Variants in COP1 observed in about 807,000 individuals in gnomAD.
The protein encoded by COP1 is E3 ubiquitin-protein ligase COP1.
Under a neutral mutation model 101.3 loss-of-function variants are expected in COP1, and 24 were observed. That is an observed-to-expected ratio of 0.24 (90% CI 0.17 to 0.33). The LOEUF is 0.33. COP1 is among the 10% of genes least tolerant of loss of function. The probability of loss-of-function intolerance (pLI) is 1.00; values close to 1 mark genes in which losing one functional copy is unlikely to be tolerated. For synonymous variants in COP1, 347 were observed against 341.9 expected (o/e 1.01, Z -0.17); for missense variants, 663 against 906.2 (o/e 0.73, Z 3.45).
At chr1:175,951,738 C>G (rs1649948644) in intron 18 of COP1, among the ~76,000 whole-genome samples, 1 of 151,744 alleles carries the variant, frequency 6.6e-6, no homozygotes. Context: ...TTGGTAACAC[C>G]TCCAAAATTA....
At chr1:176,001,882 A>G (rs1019160058) in intron 15 of COP1, among the ~76,000 whole-genome samples, 1 of 152,030 alleles carries the variant, frequency 6.6e-6, no homozygotes, top group African/African-American at 2.4e-5. Flanking sequence ...TTTATTGACA[A>G]TCTTTTCCTT....
intron 9 of COP1, among the ~76,000 whole-genome samples, chr1:176,105,422 G>A (rs954485168): frequency 6.6e-6 from 1 of 152,008 alleles, no homozygotes; most frequent in South Asian, 2.1e-4. Context: ...TATATTCTCA[G>A]GCTAAAGACA....
intron 11 of COP1, among the ~76,000 whole-genome samples, chr1:176,062,842 G>A (rs1675125441): frequency 6.6e-6 from 1 of 152,050 alleles, no homozygotes; most frequent in South Asian, 2.1e-4. Flanking sequence ...AATATGGGCA[G>A]CAACATCAAT....
chr1:176,206,492 A>T, intron 1 of COP1, 80 bp downstream of exon 1: 2 of 1,323,260 alleles, frequency 1.5e-6, no homozygotes. Flanking sequence ...AGCCACCCCC[A>T]CACCAGACCC....
intron 18 of COP1, among the ~76,000 whole-genome samples, chr1:175,958,599 T>C (rs938829072): frequency 2.0e-5 from 3 of 152,050 alleles, no homozygotes; most frequent in African/African-American, 7.2e-5. Context: ...AATCAGAATA[T>C]AACCCTTCTT....
intron 8 of COP1, among the ~76,000 whole-genome samples, chr1:176,124,186 G>A (rs1274878687): frequency 2.0e-5 from 3 of 152,106 alleles, no homozygotes; most frequent in Non-Finnish European, 4.4e-5. Context: ...TTTTGGTACA[G>A]GCATGCAATA....
At chr1:176,110,084 T>C (rs1572289372) in intron 9 of COP1, among the ~76,000 whole-genome samples, 1 of 152,188 alleles carries the variant, frequency 6.6e-6, no homozygotes, top group Non-Finnish European at 1.5e-5. Flanking sequence ...AGACTGCCTG[T>C]CTGTCTCTAT....
At chr1:176,162,049 A>G (rs1694413214) in intron 5 of COP1, among the ~76,000 whole-genome samples, 1 of 152,240 alleles carries the variant, frequency 6.6e-6, no homozygotes, top group Non-Finnish European at 1.5e-5. Flanking sequence ...AGTCTACAAG[A>G]AAAGAAAATC....
At chr1:176,095,680 GAA>G (rs60886371) in intron 9 of COP1, among the ~76,000 whole-genome samples, 7 of 87,546 alleles carry the variant, frequency 8.0e-5, no homozygotes, top group Non-Finnish European at 9.5e-5. Context: ...CCCTGTCTCA[GAA>G]AAAAAAAAAA....
intron 15 of COP1, among the ~76,000 whole-genome samples, chr1:176,001,981 G>A (rs1050443196): frequency 1.3e-5 from 2 of 152,044 alleles, no homozygotes; most frequent in African/African-American, 4.8e-5. Context: ...TCTTAATGAG[G>A]ATCCCTGGTA....
chr1:175,999,689 A>C (rs951286836), intron 15 of COP1, among the ~76,000 whole-genome samples: 1 of 152,132 alleles, frequency 6.6e-6, no homozygotes, highest in African/African-American at 2.4e-5. Context: ...TCTCCAAACC[A>C]ATCTTCATAG....
chr1:176,134,230 T>G (rs1257227959), intron 8 of COP1, among the ~76,000 whole-genome samples: 1 of 152,044 alleles, frequency 6.6e-6, no homozygotes, highest in Admixed American at 6.6e-5. Flanking sequence ...ATTTGTCTGA[T>G]AAGATTCCAT....
chr1:176,046,248 T>C lies in COP1; in HGVS notation c.1354A>G (p.Thr452Ala). ...ATATCCACTGCATCCTGGATGACAG[T>C]GTCATATTCATAGACTTTAATCTTC... ...TKKIKVYEYD[T>A]VIQDAVDIHY... The change falls in exon 12 of 20, where the codon ACT (threonine) becomes GCT (alanine). Residue 452 changes from threonine (T) to alanine (A), a missense_variant. Thr to Ala is a moderately conservative substitution (Grantham distance 58). Around this residue, in one of 4 missense-constraint regions of COP1, gnomAD observed 209 missense variants for 383.3 expected, o/e 0.55. Transcript: ENST00000367669. The C allele has an allele frequency of 6.2e-7, 1 of 1,609,074 alleles. No individual in the cohort carries two copies. Among genetic ancestry groups the C allele is most frequent in the Non-Finnish European group, 8.5e-7 (1 of 1,177,820 alleles).
chr1:175,996,613 CAG>C (rs1057331589), intron 15 of COP1, among the ~76,000 whole-genome samples: 2 of 152,052 alleles, frequency 1.3e-5, no homozygotes, highest in Non-Finnish European at 2.9e-5. Flanking sequence ...AACAGACAAA[CAG>C]AGAGCCAAAT....
chr1:176,140,636 G>A lies in COP1; in HGVS notation c.832-4089C>T, dbSNP rs140094679. Among the ~76,000 whole-genome samples the A allele has an allele frequency of 2.6e-3, 403 of 152,156 alleles. 3 individuals are homozygous for A. Among genetic ancestry groups the A allele is most frequent in the African/African-American group, 9.2e-3 (383 of 41,508 alleles). On this transcript the variant is annotated intron_variant, in intron 6 of 19. Coordinates refer to ENST00000367669, the MANE Select transcript of COP1 (RefSeq NM_022457.7). The stretch of plus-strand genomic sequence containing the variant: ...AAATTCACTCTGTAAACATAACCCC[G>A]GGAAGGAGAACTTAGAAGAAAAGTC...
At chr1:176,205,016 C>A (rs965991937) in intron 1 of COP1, among the ~76,000 whole-genome samples, 4 of 152,124 alleles carry the variant, frequency 2.6e-5, no homozygotes, top group Non-Finnish European at 4.4e-5. Context: ...GGTGCCTGGC[C>A]GACAGTGAAT....
At chr1:175,981,142 C>T (rs1655752104) in intron 18 of COP1, among the ~76,000 whole-genome samples, 1 of 152,076 alleles carries the variant, frequency 6.6e-6, no homozygotes, top group Non-Finnish European at 1.5e-5. Context: ...TAAGCATATC[C>T]TCTAAGGTTT....
At chr1:176,065,612 T>C (rs1675782427) in intron 11 of COP1, among the ~76,000 whole-genome samples, 1 of 152,118 alleles carries the variant, frequency 6.6e-6, no homozygotes, top group South Asian at 2.1e-4. Context: ...ATGAGCTTTC[T>C]GTCCTCCCCT....
At chr1:176,040,913 G>A (rs1264689431) in intron 14 of COP1, among the ~76,000 whole-genome samples, 3 of 152,094 alleles carry the variant, frequency 2.0e-5, no homozygotes, top group Non-Finnish European at 4.4e-5. Context: ...GTAATGTTAA[G>A]ATAAAATAAA....
Sources: gnomAD v4.1 joint callset for allele counts (sites outside exome capture counted in the v4.1 genomes callset) on GRCh38, gnomAD v4.1.1 for gene constraint, gnomAD v4.1.1 regional missense constraint, MANE v1.5 for transcripts, NCBI Gene and HGNC (gene_info 2026-07-23, HGNC 2026-07-21) for gene names.